The following KDM7A variants were observed in gnomAD, a reference collection of about 807,000 sequenced individuals.
KDM7A encodes lysine demethylase 7A.
Under a neutral mutation model 114.8 loss-of-function variants are expected in KDM7A, and 28 were observed. That is an observed-to-expected ratio of 0.24 (90% CI 0.18 to 0.33). KDM7A has a LOEUF of 0.33. Ranked by LOEUF, KDM7A falls within the 10% of genes least tolerant of loss-of-function variation. The pLI, the probability that KDM7A is intolerant of heterozygous loss-of-function variation, is 1.00. For missense variants in KDM7A, 942 were observed against 1,142.5 expected, an observed-to-expected ratio of 0.82 and a Z score of 2.53; for synonymous variants, 423 against 397.8, an observed-to-expected ratio of 1.06 and a Z score of -0.75.
chr7:140,092,772 T>C (rs907142258), intron 18 of KDM7A, among the ~76,000 whole-genome samples: 1 of 152,078 alleles, frequency 6.6e-6, no homozygotes, highest in African/African-American at 2.4e-5. Flanking sequence ...TATGTCTTCA[T>C]TTATTTTCAA....
At chr7:140,146,379 C>T (rs947055585) in intron 1 of KDM7A, among the ~76,000 whole-genome samples, 2 of 152,146 alleles carry the variant, frequency 1.3e-5, no homozygotes, top group Non-Finnish European at 2.9e-5. Flanking sequence ...TCTTTATCAC[C>T]CACTCCATCC....
chr7:140,105,260 C>G (rs1486768343), intron 11 of KDM7A, among the ~76,000 whole-genome samples: 1 of 152,186 alleles, frequency 6.6e-6, no homozygotes, highest in African/African-American at 2.4e-5. Flanking sequence ...TTCCTCTCTT[C>G]CTAACGGAAT....
chr7:140,174,231 G>A (rs1432892282), intron 1 of KDM7A, among the ~76,000 whole-genome samples: 1 of 151,948 alleles, frequency 6.6e-6, no homozygotes, highest in Non-Finnish European at 1.5e-5. Flanking sequence ...TGTAGGGCAG[G>A]ACAATATAGC....
chr7:140,141,329 A>G (rs1485071628), intron 1 of KDM7A, among the ~76,000 whole-genome samples: 1 of 152,128 alleles, frequency 6.6e-6, no homozygotes, highest in African/African-American at 2.4e-5. Flanking sequence ...TACTCAAAGC[A>G]TTCACAGAAA....
In KDM7A at chr7:140,091,049, CT is replaced by C. The variant is rs1452212802; in HGVS notation, c.*44del. The C allele has an allele frequency of 2.1e-6, 3 of 1,429,276 alleles. No homozygotes were observed. Among genetic ancestry groups the C allele is most frequent in the Non-Finnish European group, 3.0e-6 (3 of 1,011,208 alleles). The allele number at this position is 1,429,276 out of a possible 1,614,324, so 88.5% of individuals were successfully genotyped here. A position where few individuals can be genotyped will look rare whatever the true frequency, so the allele number is the denominator to read the frequency against. On this transcript the variant is annotated 3_prime_UTR_variant, in exon 20 of 20. Coordinates refer to ENST00000397560, the MANE Select transcript of KDM7A (RefSeq NM_030647.2). Reference sequence around the variant, plus strand: ...GCGGAAGCTCCAGGCTCCTGCACCCCTAGACTGGTCTCCAAAGGGAAGAATG... The same window carrying C: ...GCGGAAGCTCCAGGCTCCTGCACCCCAGACTGGTCTCCAAAGGGAAGAATG...
At chr7:140,130,781 CAA>C (rs1818772265) in intron 3 of KDM7A, among the ~76,000 whole-genome samples, 1 of 151,242 alleles carries the variant, frequency 6.6e-6, no homozygotes, top group African/African-American at 2.4e-5. Flanking sequence ...CCCACTGAGA[CAA>C]GTGTCCAAAA....
At chr7:140,166,269 T>C (rs1794573863) in intron 1 of KDM7A, among the ~76,000 whole-genome samples, 1 of 152,116 alleles carries the variant, frequency 6.6e-6, no homozygotes, top group Admixed American at 6.6e-5. Context: ...GAAGGAGCCT[T>C]TGATAAAACT....
intron 12 of KDM7A, among the ~76,000 whole-genome samples, chr7:140,101,488 C>T (rs2116752948): frequency 6.6e-6 from 1 of 152,324 alleles, no homozygotes; most frequent in Non-Finnish European, 1.5e-5. Flanking sequence ...GCTCTCTGAC[C>T]ACCTTAGCTA....
chr7:140,168,522 C>A (rs1562962062), intron 1 of KDM7A, among the ~76,000 whole-genome samples: 1 of 151,308 alleles, frequency 6.6e-6, no homozygotes, highest in African/African-American at 2.4e-5. Flanking sequence ...GAGCCAAGAT[C>A]GCACCACTGC....
intron 13 of KDM7A, among the ~76,000 whole-genome samples, chr7:140,099,602 G>A (rs1818169163): frequency 6.6e-6 from 1 of 152,206 alleles, no homozygotes. Context: ...GGGTGAGTGA[G>A]CATTACCACC....
intron 7 of KDM7A, 70 bp downstream of exon 7, chr7:140,124,551 G>A (rs981112188): frequency 2.8e-6 from 3 of 1,075,002 alleles, no homozygotes; most frequent in Admixed American, 5.2e-5. Flanking sequence ...TAAAGCCAGA[G>A]GTTCTAGTTA....
chr7:140,170,626 G>A (rs1038654116), intron 1 of KDM7A, among the ~76,000 whole-genome samples: 3 of 152,196 alleles, frequency 2.0e-5, no homozygotes, highest in African/African-American at 7.2e-5. Flanking sequence ...ACTCAACAAG[G>A]TGACTGTGAG....
At chr7:140,144,137 T>C (rs1027534195) in intron 1 of KDM7A, among the ~76,000 whole-genome samples, 2 of 152,176 alleles carry the variant, frequency 1.3e-5, no homozygotes, top group African/African-American at 4.8e-5. Context: ...GCTATGGTAA[T>C]CAAGACTGTG....
intron 16 of KDM7A, 56 bp from the exon 17 acceptor site, chr7:140,096,819 G>A (rs1256357225): frequency 6.3e-7 from 1 of 1,589,254 alleles, no homozygotes; most frequent in Admixed American, 1.7e-5. Flanking sequence ...TGACATTTTT[G>A]GTAAAATTTA....
intron 17 of KDM7A, among the ~76,000 whole-genome samples, chr7:140,095,171 G>A (rs1230952587): frequency 6.6e-6 from 1 of 152,056 alleles, no homozygotes; most frequent in Non-Finnish European, 1.5e-5. Context: ...TTCCATGGCC[G>A]CCTATTGTAT....
rs138449043 is a variant in KDM7A at position 140,132,031 on chromosome 7, C to T, written c.398+1508G>A. Among the ~76,000 whole-genome samples the T allele has an allele frequency of 4.3e-3, 659 of 152,158 alleles. 7 individuals carry two copies. Among genetic ancestry groups the T allele is most frequent in the African/African-American group, 0.015 (611 of 41,498 alleles). ...CCCATTTTAAGAATATTATGTATAT[C>T]CATACATCCATATACATAAATGTTT... On this transcript the variant is annotated intron_variant, in intron 3 of 19. Transcript: ENST00000397560.
At position 140,096,985 on chromosome 7, in the gene KDM7A, T is replaced by A; in HGVS notation, c.2079A>T (p.Thr693=). 1.2e-6 allele frequency: 2 copies of A among 1,612,702 alleles called. No homozygotes were observed. Among genetic ancestry groups the A allele is most frequent in the Admixed American group, 1.7e-5 (1 of 60,008 alleles). ...SSGDEKKQEI[T]SNFKEESNVM... The stretch of plus-strand genomic sequence containing the variant: ...CATTAGATTCCTCCTTAAAGTTGGA[T>A]GTTATTTCTTGTTTCTTTTCATCAC... The change falls in exon 16 of 20, where the codon ACA becomes ACT. Residue 693 remains threonine (T), a synonymous_variant. Coordinates refer to ENST00000397560, the MANE Select transcript of KDM7A (RefSeq NM_030647.2).
chr7:140,159,214 G>A (rs1794490987), intron 1 of KDM7A, among the ~76,000 whole-genome samples: 1 of 152,098 alleles, frequency 6.6e-6, no homozygotes, highest in Non-Finnish European at 1.5e-5. Flanking sequence ...AGGCGTGGTG[G>A]CACACACCTG....
intron 2 of KDM7A, among the ~76,000 whole-genome samples, chr7:140,137,796 G>A (rs1585157058): frequency 6.6e-6 from 1 of 152,134 alleles, no homozygotes; most frequent in African/African-American, 2.4e-5. Flanking sequence ...CAAATGAGCA[G>A]TCAGTTGCCA....
Sources: gnomAD v4.1 joint callset for allele counts (sites outside exome capture counted in the v4.1 genomes callset) on GRCh38, gnomAD v4.1.1 for gene constraint, MANE v1.5 for transcripts, NCBI Gene and HGNC (gene_info 2026-07-23, HGNC 2026-07-21) for gene names.